The following PTPRD variants were observed in gnomAD, a reference collection of about 807,000 sequenced individuals.
PTPRD encodes protein tyrosine phosphatase receptor type D, also known as receptor-type tyrosine-protein phosphatase delta.
Under a neutral mutation model 214.5 loss-of-function variants are expected in PTPRD, and 34 were observed. The observed-to-expected ratio is 0.16, with a 90% CI of 0.12 to 0.21. PTPRD has a LOEUF of 0.21. Ranked by LOEUF, PTPRD falls within the 10% of genes least tolerant of loss-of-function variation. The pLI, the probability that PTPRD is intolerant of heterozygous loss-of-function variation, is 1.00. For missense variants in PTPRD, 2,545 were observed against 2,398.7 expected, an observed-to-expected ratio of 1.06 and a Z score of -1.27; for synonymous variants, 1,128 against 845.7, an observed-to-expected ratio of 1.33 and a Z score of -5.79.
At chr9:10,349,158 G>T (rs944913138) in intron 2 of PTPRD, among the ~76,000 whole-genome samples, 30 of 149,790 alleles carry the variant, frequency 2.0e-4, no homozygotes, top group Non-Finnish European at 2.9e-5. Flanking sequence ...AATCTCACAT[G>T]ATAACTGTGT....
chr9:9,526,258 G>T (rs745961584), intron 8 of PTPRD, among the ~76,000 whole-genome samples: 1 of 152,098 alleles, frequency 6.6e-6, no homozygotes, highest in South Asian at 2.1e-4. Context: ...GAGCATTTGA[G>T]CTTTTCAAAC....
intron 9 of PTPRD, among the ~76,000 whole-genome samples, chr9:9,190,470 G>C (rs1395299800): frequency 6.6e-6 from 1 of 151,990 alleles, no homozygotes; most frequent in Non-Finnish European, 1.5e-5. Flanking sequence ...CATGTAAGAA[G>C]TGCCTTTCAC....
At chr9:9,827,840 G>A (rs1444029417) in intron 5 of PTPRD, among the ~76,000 whole-genome samples, 2 of 152,098 alleles carry the variant, frequency 1.3e-5, no homozygotes, top group Non-Finnish European at 2.9e-5. Flanking sequence ...ACAAGTGGGT[G>A]AAGGATATGA....
chr9:9,766,450 A>C (rs1214342505), intron 6 of PTPRD, among the ~76,000 whole-genome samples: 2 of 152,142 alleles, frequency 1.3e-5, no homozygotes, highest in Non-Finnish European at 2.9e-5. Flanking sequence ...TTCTTGCCTG[A>C]TAATTTAATT....
chr9:9,801,535 CAAGG>C (rs1260844085), intron 5 of PTPRD, among the ~76,000 whole-genome samples: 1 of 151,844 alleles, frequency 6.6e-6, no homozygotes, highest in Non-Finnish European at 1.5e-5. Context: ...GCAAGTTTAC[CAAGG>C]TATATAAAGG....
intron 2 of PTPRD, among the ~76,000 whole-genome samples, chr9:10,409,686 T>A (rs1300323906): frequency 6.6e-6 from 1 of 151,838 alleles, no homozygotes; most frequent in Non-Finnish European, 1.5e-5. Flanking sequence ...AGAATCTCAT[T>A]TGCCTTTATG....
At chr9:10,451,033 T>A (rs1217630640) in intron 2 of PTPRD, among the ~76,000 whole-genome samples, 3 of 152,042 alleles carry the variant, frequency 2.0e-5, no homozygotes, top group African/African-American at 7.3e-5. Context: ...ACATGATAGA[T>A]AATCTTGACA....
intron 7 of PTPRD, among the ~76,000 whole-genome samples, chr9:9,631,862 G>C (rs1009754468): frequency 7.9e-5 from 12 of 152,088 alleles, no homozygotes; most frequent in African/African-American, 2.9e-4. Flanking sequence ...TTAATTATTA[G>C]AAAATATAAG....
chr9:8,953,233 T>C (rs2099113025), intron 11 of PTPRD, among the ~76,000 whole-genome samples: 1 of 151,708 alleles, frequency 6.6e-6, no homozygotes, highest in South Asian at 2.1e-4. Context: ...AGGAGAAGGG[T>C]CGCTACAGCT....
chr9:8,344,801 T>A (rs1339894034), intron 39 of PTPRD, among the ~76,000 whole-genome samples: 2 of 152,004 alleles, frequency 1.3e-5, no homozygotes, highest in Non-Finnish European at 2.9e-5. Flanking sequence ...CTTCCTTATA[T>A]TCCCATATTT....
intron 2 of PTPRD, among the ~76,000 whole-genome samples, chr9:10,409,317 G>A (rs2098410092): frequency 6.6e-6 from 1 of 151,666 alleles, no homozygotes; most frequent in South Asian, 2.1e-4. Flanking sequence ...TTATAAAGTT[G>A]TGTAACTAAT....
chr9:9,678,136 A>T (rs1393454704), intron 7 of PTPRD, among the ~76,000 whole-genome samples: 3 of 152,148 alleles, frequency 2.0e-5, no homozygotes, highest in African/African-American at 7.2e-5. Flanking sequence ...GAAAATGGCC[A>T]TACTGCCCAA....
intron 4 of PTPRD, among the ~76,000 whole-genome samples, chr9:10,006,814 C>G (rs1191882322): frequency 1.3e-5 from 2 of 151,910 alleles, no homozygotes; most frequent in Non-Finnish European, 2.9e-5. Flanking sequence ...CTATTGACAA[C>G]TTTCTTCCAT....
intron 3 of PTPRD, among the ~76,000 whole-genome samples, chr9:10,067,757 C>T (rs1278463309): frequency 6.6e-6 from 1 of 151,874 alleles, no homozygotes; most frequent in Non-Finnish European, 1.5e-5. Flanking sequence ...TTATTCATTA[C>T]TCATATCCCT....
intron 8 of PTPRD, among the ~76,000 whole-genome samples, chr9:9,498,225 T>A (rs1480696710): frequency 6.6e-6 from 1 of 152,160 alleles, no homozygotes; most frequent in Non-Finnish European, 1.5e-5. Context: ...TTGAGTGGCA[T>A]TCTGCAAGAG....
At chr9:10,474,023 G>A (rs2099047387) in intron 2 of PTPRD, among the ~76,000 whole-genome samples, 1 of 152,048 alleles carries the variant, frequency 6.6e-6, no homozygotes, top group African/African-American at 2.4e-5. Context: ...ACCAGTCACT[G>A]CAAAAACACA....
At chr9:9,822,057 C>A (rs1286090928) in intron 5 of PTPRD, among the ~76,000 whole-genome samples, 1 of 151,460 alleles carries the variant, frequency 6.6e-6, no homozygotes, top group African/African-American at 2.4e-5. Context: ...GGCATCATGT[C>A]CAAAAATCAT....
chr9:8,887,401 C>T (rs1393953414), intron 11 of PTPRD, among the ~76,000 whole-genome samples: 2 of 152,138 alleles, frequency 1.3e-5, no homozygotes, highest in African/African-American at 4.8e-5. Flanking sequence ...TTTATACAAA[C>T]CCCACTTGTA....
At chr9:10,488,028 G>A (rs2099144453) in intron 2 of PTPRD, among the ~76,000 whole-genome samples, 1 of 137,448 alleles carries the variant, frequency 7.3e-6, no homozygotes, top group Admixed American at 7.5e-5. Flanking sequence ...ACCTGGAGCT[G>A]GGGGGTGGTG....
Sources: gnomAD v4.1 joint callset for allele counts (sites outside exome capture counted in the v4.1 genomes callset) on GRCh38, gnomAD v4.1.1 for gene constraint, MANE v1.5 for transcripts, NCBI Gene and HGNC (gene_info 2026-07-23, HGNC 2026-07-21) for gene names.